Variants in TAFA1 observed in about 807,000 individuals in gnomAD.
The protein encoded by TAFA1 is chemokine-like protein TAFA-1.
Under a neutral mutation model 18.5 loss-of-function variants are expected in TAFA1, and 4 were observed. That is an observed-to-expected ratio of 0.22 (90% CI 0.11 to 0.49). TAFA1 has a LOEUF of 0.49. TAFA1 is among the 20% of genes least tolerant of loss of function. The pLI is 0.98. For synonymous variants in TAFA1, 56 were observed against 55.2 expected (o/e 1.01, Z -0.06); for missense variants, 147 against 169.0 (o/e 0.87, Z 0.72).
chr3:68,081,532 G>C (rs542486163), intron 2 of TAFA1, among the ~76,000 whole-genome samples: 2 of 152,054 alleles, frequency 1.3e-5, no homozygotes, highest in Admixed American at 1.3e-4. Context: ...CCTTCTAACA[G>C]ACAGGACCCT....
At chr3:68,102,734 A>T (rs2065162530) in intron 2 of TAFA1, among the ~76,000 whole-genome samples, 1 of 152,158 alleles carries the variant, frequency 6.6e-6, no homozygotes, top group Non-Finnish European at 1.5e-5. Context: ...AAGTTATATA[A>T]CCTCTTGGAT....
chr3:68,121,360 A>G (rs2065396709), intron 2 of TAFA1, among the ~76,000 whole-genome samples: 1 of 152,010 alleles, frequency 6.6e-6, no homozygotes. Flanking sequence ...AATAATTTTT[A>G]AATGATAGAG....
chr3:68,260,281 A>G (rs1451203991), intron 2 of TAFA1, among the ~76,000 whole-genome samples: 5 of 152,158 alleles, frequency 3.3e-5, no homozygotes, highest in Non-Finnish European at 7.4e-5. Context: ...CATCCCAGGG[A>G]TGAAGCCCAC....
At chr3:68,485,758 A>G (rs1559689199) in intron 3 of TAFA1, among the ~76,000 whole-genome samples, 1 of 152,198 alleles carries the variant, frequency 6.6e-6, no homozygotes, top group Non-Finnish European at 1.5e-5. Context: ...TGCACCTTGA[A>G]CTATAATTTC....
intron 3 of TAFA1, among the ~76,000 whole-genome samples, chr3:68,521,690 G>C (rs1188202073): frequency 6.6e-6 from 1 of 151,962 alleles, no homozygotes; most frequent in Admixed American, 6.6e-5. Flanking sequence ...TGATTTTCTT[G>C]TATTTGAGAA....
chr3:68,476,806 G>A (rs1342146809), intron 3 of TAFA1, among the ~76,000 whole-genome samples: 1 of 152,118 alleles, frequency 6.6e-6, no homozygotes, highest in Non-Finnish European at 1.5e-5. Flanking sequence ...ACCAATATTA[G>A]TTATAACTAT....
chr3:68,130,245 A>T (rs1298101561), intron 2 of TAFA1, among the ~76,000 whole-genome samples: 1 of 152,140 alleles, frequency 6.6e-6, no homozygotes, highest in Admixed American at 6.6e-5. Flanking sequence ...TTATTTTTTG[A>T]ATTACTTTTT....
chr3:68,097,816 A>G (rs575018429), intron 2 of TAFA1, among the ~76,000 whole-genome samples: 3 of 152,294 alleles, frequency 2.0e-5, no homozygotes, highest in Non-Finnish European at 2.9e-5. Flanking sequence ...ACAGTGCTGG[A>G]CTGATTTCCT....
chr3:68,528,312 A>C (rs919374371), intron 3 of TAFA1, among the ~76,000 whole-genome samples: 2 of 152,218 alleles, frequency 1.3e-5, no homozygotes, highest in Non-Finnish European at 2.9e-5. Context: ...GCAATTTTCC[A>C]AAGTCATACT....
chr3:68,154,839 C>T (rs187727117), intron 2 of TAFA1, among the ~76,000 whole-genome samples: 5 of 152,078 alleles, frequency 3.3e-5, no homozygotes, highest in African/African-American at 1.2e-4. Flanking sequence ...CTATTTTCTG[C>T]CCCCCACCAA....
At chr3:68,286,247 T>A (rs866123809) in intron 2 of TAFA1, among the ~76,000 whole-genome samples, 66 of 134,308 alleles carry the variant, frequency 4.9e-4, no homozygotes, top group African/African-American at 9.0e-4. Context: ...TTTAAAAAAA[T>A]TTTTTAAATT....
In TAFA1 at chr3:68,299,137, G is replaced by A. The variant is rs544800285; in HGVS notation, c.119-118143G>A. 2.6e-5 allele frequency among the ~76,000 whole-genome samples: 4 copies of A among 152,294 alleles called. No individual in the cohort carries two copies. In the South Asian group the frequency reaches 6.2e-4, roughly 24 times the overall value. ...GATGAGGAACTTCTTGGGAAGTGGA[G>A]CAAAGTTCCACATGTCCAGGATGGC... On this transcript the variant is annotated intron_variant, in intron 2 of 4. Transcript: ENST00000478136.
At chr3:68,505,509 A>G (rs973293231) in intron 3 of TAFA1, among the ~76,000 whole-genome samples, 3 of 152,154 alleles carry the variant, frequency 2.0e-5, no homozygotes, top group Non-Finnish European at 4.4e-5. Flanking sequence ...GAAGTTCAGG[A>G]ATGTCCTAGC....
At chr3:68,177,998 G>T (rs59475099) in intron 2 of TAFA1, among the ~76,000 whole-genome samples, 1 of 152,084 alleles carries the variant, frequency 6.6e-6, no homozygotes, top group Non-Finnish European at 1.5e-5. Flanking sequence ...CAAAAAATTA[G>T]CCTGGTGTGG....
At chr3:68,119,800 G>A (rs2065367203) in intron 2 of TAFA1, among the ~76,000 whole-genome samples, 1 of 152,186 alleles carries the variant, frequency 6.6e-6, no homozygotes, top group Admixed American at 6.5e-5. Context: ...TTGAAACTAG[G>A]AAGTGTGGGA....
intron 3 of TAFA1, among the ~76,000 whole-genome samples, chr3:68,486,282 C>A (rs970856101): frequency 2.6e-5 from 4 of 151,918 alleles, no homozygotes; most frequent in Admixed American, 6.6e-5. Flanking sequence ...CAGATTTCAG[C>A]AGCCTGAACA....
At chr3:68,521,856 GTTTTTTTTTTTT>G (rs57372768) in intron 3 of TAFA1, among the ~76,000 whole-genome samples, 1 of 70,848 alleles carries the variant, frequency 1.4e-5, no homozygotes, top group African/African-American at 5.7e-5. Context: ...GTTTTTTTCT[GTTTTTTTTTTTT>G]TTTTTTTTGG....
intron 3 of TAFA1, among the ~76,000 whole-genome samples, chr3:68,420,869 G>A (rs1247217518): frequency 1.3e-5 from 2 of 152,172 alleles, no homozygotes; most frequent in Non-Finnish European, 2.9e-5. Flanking sequence ...ATGCAGGGAA[G>A]GCAGGCAGTT....
chr3:68,089,522 GT>G (rs2106793915), intron 2 of TAFA1, among the ~76,000 whole-genome samples: 2 of 152,218 alleles, frequency 1.3e-5, no homozygotes, highest in East Asian at 3.9e-4. Flanking sequence ...TCAGTGTAGG[GT>G]ATAAGAGAGA....
Sources: allele counts gnomAD v4.1 joint callset (sites outside exome capture counted in the v4.1 genomes callset), GRCh38; gene constraint gnomAD v4.1.1; transcripts MANE v1.5; gene names NCBI Gene and HGNC (gene_info 2026-07-23, HGNC 2026-07-21).